The following KAZN variants were observed in gnomAD, a reference collection of about 807,000 sequenced individuals.
The protein encoded by KAZN is kazrin.
Under a neutral mutation model 87.4 loss-of-function variants are expected in KAZN, and 40 were observed. The observed-to-expected ratio is 0.46, with a 90% CI of 0.36 to 0.60. The LOEUF (loss-of-function observed/expected upper bound fraction) is 0.60, where lower values mean the gene tolerates loss of function less well. Ranked by LOEUF, KAZN falls within the 20% of genes least tolerant of loss-of-function variation. The probability of loss-of-function intolerance (pLI) is 0.00; values close to 1 mark genes in which losing one functional copy is unlikely to be tolerated. For synonymous variants in KAZN, 466 were observed against 458.3 expected, an observed-to-expected ratio of 1.02 and a Z score of -0.22; for missense variants, 898 against 1,073.9, an observed-to-expected ratio of 0.84 and a Z score of 2.29.
At chr1:14,759,960 C>A (rs1208928094) in intron 1 of KAZN, among the ~76,000 whole-genome samples, 1 of 152,080 alleles carries the variant, frequency 6.6e-6, no homozygotes, top group African/African-American at 2.4e-5. Context: ...AACTTAAGTA[C>A]CTGGGAATTA....
intron 1 of KAZN, among the ~76,000 whole-genome samples, chr1:14,173,994 TG>T (rs1329985979): frequency 2.0e-5 from 3 of 152,232 alleles, no homozygotes; most frequent in Admixed American, 1.3e-4. Context: ...TGACCAGCAT[TG>T]AATATTTGGT....
chr1:14,831,768 G>A (rs2100880151), intron 1 of KAZN, among the ~76,000 whole-genome samples: 2 of 152,228 alleles, frequency 1.3e-5, no homozygotes, highest in Admixed American at 1.3e-4. Flanking sequence ...CTGAGGCTCG[G>A]GTGGGCCCTG....
rs374327300 is a variant in KAZN at position 14,013,000 on chromosome 1, G to A, written c.91+119244G>A. On this transcript the variant is annotated intron_variant, in intron 1 of 16. Transcript: ENST00000636203. ...TGATAGAGACCAGCATCCCTGCCCTGAGACACCTCTTAGCGGGTCCTAGAC... is the reference window on the plus strand; with the variant it reads ...TGATAGAGACCAGCATCCCTGCCCTAAGACACCTCTTAGCGGGTCCTAGAC... Among the ~76,000 whole-genome samples the A allele has an allele frequency of 4.6e-5, 7 of 152,310 alleles. No homozygotes were observed. The East Asian group carries it at 1.4e-3, about 29-fold the overall frequency.
At chr1:14,580,273 C>T (rs1200779946) in intron 2 of KAZN, among the ~76,000 whole-genome samples, 2 of 152,070 alleles carry the variant, frequency 1.3e-5, no homozygotes, top group African/African-American at 4.8e-5. Flanking sequence ...GTTGGGAGTT[C>T]GAGACCAGCC....
At chr1:13,917,963 AAAT>A (rs1639921188) in intron 1 of KAZN, among the ~76,000 whole-genome samples, 1 of 152,232 alleles carries the variant, frequency 6.6e-6, no homozygotes, top group African/African-American at 2.4e-5. Flanking sequence ...ATTCCTTTCA[AAAT>A]ATTACTGCTC....
At chr1:15,064,887 C>T (rs1639099892) in intron 7 of KAZN, among the ~76,000 whole-genome samples, 1 of 152,218 alleles carries the variant, frequency 6.6e-6, no homozygotes, top group Non-Finnish European at 1.5e-5. Flanking sequence ...TGGACATCCT[C>T]CTACAAGCCC....
intron 8 of KAZN, 190 bp downstream of exon 8, chr1:15,065,943 C>T: frequency 7.1e-7 from 1 of 1,405,502 alleles, no homozygotes; most frequent in Non-Finnish European, 9.2e-7. Context: ...TGGCCGAGCG[C>T]CTCTAACAAG....
chr1:14,533,675 C>A (rs1347945063), intron 2 of KAZN, among the ~76,000 whole-genome samples: 1 of 152,158 alleles, frequency 6.6e-6, no homozygotes, highest in Non-Finnish European at 1.5e-5. Flanking sequence ...CCCCCACCCA[C>A]CCCACATCTC....
chr1:14,153,072 T>G (rs992621344), intron 1 of KAZN, among the ~76,000 whole-genome samples: 1 of 152,212 alleles, frequency 6.6e-6, no homozygotes, highest in Non-Finnish European at 1.5e-5. Flanking sequence ...TTGTTTGAAC[T>G]TCTTATAAAA....
At position 14,648,118 on chromosome 1, in the gene KAZN, G is replaced by C. The variant is rs144709103; in HGVS notation, c.226+48895G>C. On this transcript the variant is annotated intron_variant, in intron 1 of 14. Transcript: ENST00000376030. ...ACAGAAAATATGCTTAAGCCAAAAA[G>C]CCCAAGTAAAGAAAGCAGGGTAGGA... 5.4e-3 allele frequency among the ~76,000 whole-genome samples: 824 copies of C among 152,258 alleles called. 9 individuals carry two copies. The highest frequency in any genetic ancestry group is 0.019 in the African/African-American group (770 of 41,554).
intron 2 of KAZN, among the ~76,000 whole-genome samples, chr1:14,416,360 A>T (rs1664758925): frequency 6.6e-6 from 1 of 152,220 alleles, no homozygotes; most frequent in African/African-American, 2.4e-5. Context: ...ACTTCTTGAT[A>T]CAGAATCAAG....
At chr1:14,723,426 G>A (rs926519) in intron 1 of KAZN, among the ~76,000 whole-genome samples, 113,764 of 152,118 alleles carry the variant, frequency 0.75, 44,077 homozygotes, top group Middle Eastern at 0.91. Flanking sequence ...AGCAATGAGT[G>A]GGACCTGGGG....
At position 13,979,328 on chromosome 1, in the gene KAZN, A is replaced by T. The variant is rs368215090; in HGVS notation, c.91+85572A>T. On this transcript the variant is annotated intron_variant, in intron 1 of 16. Coordinates refer to the KAZN transcript ENST00000636203. ...TTTAGCTTGAAAGAAGCAACAATAA[A>T]ACCAATAGCTAATTTCTCAACAAAA... Among the ~76,000 whole-genome samples the T allele has an allele frequency of 6.5e-4, 99 of 152,286 alleles. 4 individuals are homozygous for T. The South Asian group carries it at 0.019, about 29-fold the overall frequency.
At position 15,115,025 on chromosome 1, in the gene KAZN, T is replaced by G; in HGVS notation, c.*390T>G. Reference sequence around the variant, plus strand: ...AGGCCCACAGTTCCCTAAAACACCCTTCCGGCGGGAGCAGGGGGGACCCCA... The same window carrying G: ...AGGCCCACAGTTCCCTAAAACACCCGTCCGGCGGGAGCAGGGGGGACCCCA... On this transcript the variant is annotated 3_prime_UTR_variant, in exon 15 of 15. Coordinates refer to ENST00000376030, the MANE Select transcript of KAZN (RefSeq NM_201628.3). This position sits in a 1 kb window ranked among gnomAD's most constrained non-coding sequence, Gnocchi z 4.1. The G allele has an allele frequency of 6.2e-6, 1 of 161,228 alleles. No homozygotes were observed. The highest frequency in any genetic ancestry group is 1.4e-5 in the Non-Finnish European group (1 of 73,744). 10.0% of individuals were successfully genotyped at this position (161,228 alleles called of 1,614,324 possible).
intron 2 of KAZN, among the ~76,000 whole-genome samples, chr1:14,342,449 C>T (rs528737982): frequency 8.1e-4 from 124 of 152,256 alleles, no homozygotes; most frequent in Non-Finnish European, 1.3e-3. Flanking sequence ...ATTTATGGCA[C>T]GTATTCTTGC....
chr1:14,031,584 A>T (rs1641330524), intron 1 of KAZN, among the ~76,000 whole-genome samples: 1 of 152,222 alleles, frequency 6.6e-6, no homozygotes, highest in Non-Finnish European at 1.5e-5. Context: ...TGAGAGGCAG[A>T]AGCTTCCTGC....
At position 14,022,485 on chromosome 1, in the gene KAZN, CAAAAAAAAAAAAAAA is replaced by C. The variant is rs58713618; in HGVS notation, c.91+128744_91+128758del. Among the ~76,000 whole-genome samples the C allele has an allele frequency of 9.0e-5, 10 of 110,508 alleles. No individual in the cohort carries two copies. The South Asian group carries it at 1.7e-3, about 19-fold the overall frequency. The allele number at this position is 110,508 out of a possible 152,430, so 72.5% of individuals were successfully genotyped here. A position where few individuals can be genotyped will look rare whatever the true frequency, so the allele number is the denominator to read the frequency against. On this transcript the variant is annotated intron_variant, in intron 1 of 16. Transcript: ENST00000636203. ...CATTATAGCTTTCACGTATTTAAAG[CAAAAAAAAAAAAAAA>C]AAAAAAAAAAAAAAGAAAAAAAGAA...
intron 1 of KAZN, among the ~76,000 whole-genome samples, chr1:14,783,167 G>T (rs1645407496): frequency 1.3e-5 from 2 of 152,174 alleles, no homozygotes; most frequent in Admixed American, 1.3e-4. Context: ...CTGATATTTG[G>T]AGTTTGCTAC....
chr1:14,886,805 T>C (rs960107355), intron 1 of KAZN, among the ~76,000 whole-genome samples: 3 of 152,088 alleles, frequency 2.0e-5, no homozygotes, highest in Non-Finnish European at 4.4e-5. Flanking sequence ...AAAATAAAAA[T>C]AAACATGCAT....
Sources: allele counts gnomAD v4.1 joint callset (sites outside exome capture counted in the v4.1 genomes callset), GRCh38; gene constraint gnomAD v4.1.1; non-coding constraint Gnocchi (gnomAD v3.1); transcripts MANE v1.5; gene names NCBI Gene and HGNC (gene_info 2026-07-23, HGNC 2026-07-21).